ZRANB3: variants seen among roughly 807,000 people sequenced by gnomAD.
ZRANB3 encodes the protein zinc finger RANBP2-type containing 3.
A neutral mutation model predicts 133.8 loss-of-function variants in ZRANB3; 125 were observed. The observed-to-expected ratio is 0.93, with a 90% confidence interval of 0.81 to 1.08. The LOEUF is 1.08. Among genes scored for constraint, ZRANB3 ranks in the 50% least tolerant of loss-of-function variants. The pLI, the probability that ZRANB3 is intolerant of heterozygous loss-of-function variation, is 0.00. For synonymous variants in ZRANB3, 387 were observed against 432.7 expected (o/e 0.89, Z 1.31); for missense variants, 1,229 against 1,275.5 (o/e 0.96, Z 0.56).
chr2:135,507,441 CA>C lies in ZRANB3; in HGVS notation c.-7-2946del, dbSNP rs533547425. On this transcript the variant is annotated intron_variant, in intron 1 of 20. Transcript: ENST00000264159. Reference sequence around the variant, plus strand: ...TATACTATTGTGGACTTTAGAAAGTCAAAACTCAAAGGAGCAGAGATTAAGT... The same window carrying C: ...TATACTATTGTGGACTTTAGAAAGTCAAACTCAAAGGAGCAGAGATTAAGT... 8.1e-4 allele frequency among the ~76,000 whole-genome samples: 124 copies of C among 152,192 alleles called. 1 individual carries two copies. The highest frequency in any genetic ancestry group is 2.6e-3 in the African/African-American group (110 of 41,528).
chr2:135,380,000 G>A (rs1686615006), intron 3 of ZRANB3, among the ~76,000 whole-genome samples: 1 of 151,992 alleles, frequency 6.6e-6, no homozygotes, highest in African/African-American at 2.4e-5. Flanking sequence ...AAAAAAAGCA[G>A]GGGTTGCAAT....
chr2:135,240,214 C>A (rs187280576), intron 12 of ZRANB3, among the ~76,000 whole-genome samples: 2 of 152,068 alleles, frequency 1.3e-5, no homozygotes, highest in Non-Finnish European at 2.9e-5. Context: ...TGGTGGCGTG[C>A]GCCTGTAGTC....
At chr2:135,294,580 T>C (rs1286544356) in intron 8 of ZRANB3, among the ~76,000 whole-genome samples, 1 of 152,202 alleles carries the variant, frequency 6.6e-6, no homozygotes, top group African/African-American at 2.4e-5. Context: ...GAAGGGTTTT[T>C]TGTGTCTCTA....
chr2:135,493,159 A>G (rs1692486815), intron 2 of ZRANB3, among the ~76,000 whole-genome samples: 1 of 85,756 alleles, frequency 1.2e-5, no homozygotes, highest in Non-Finnish European at 2.3e-5. Flanking sequence ...ATATATATAT[A>G]TATATATATA....
intron 19 of ZRANB3, among the ~76,000 whole-genome samples, chr2:135,203,403 A>G (rs1693706979): frequency 6.6e-6 from 1 of 152,032 alleles, no homozygotes; most frequent in African/African-American, 2.4e-5. Context: ...GCGGATCACT[A>G]GGTCAGGAGA....
chr2:135,294,125 G>C (rs922688040), intron 8 of ZRANB3, among the ~76,000 whole-genome samples: 1 of 152,162 alleles, frequency 6.6e-6, no homozygotes, highest in African/African-American at 2.4e-5. Flanking sequence ...GAGTTAGGGA[G>C]GATTCCCTCT....
At chr2:135,234,937 T>C (rs1317111326) in intron 12 of ZRANB3, among the ~76,000 whole-genome samples, 1 of 151,810 alleles carries the variant, frequency 6.6e-6, no homozygotes, top group Non-Finnish European at 1.5e-5. Flanking sequence ...ATAACTAAGA[T>C]CAGAGTAGAA....
chr2:135,230,496 A>T lies in ZRANB3; in HGVS notation c.1954+17T>A. On this transcript the variant is annotated intron_variant, in intron 13 of 20. Coordinates refer to ENST00000264159, the MANE Select transcript of ZRANB3 (RefSeq NM_032143.4). ...ACTAACAGCCCTTACCTCCATGGTC[A>T]CCTTCTATATACTCACCAGCACTGC... 1 of 1,474,230 alleles carries T rather than the reference A, an allele frequency of 6.8e-7. No homozygotes were observed. Among genetic ancestry groups the T allele is most frequent in the Non-Finnish European group, 9.0e-7 (1 of 1,114,908 alleles). The allele number at this position is 1,474,230 out of a possible 1,614,324, so 91.3% of individuals were successfully genotyped here.
At chr2:135,239,450 A>G (rs1466148324) in intron 12 of ZRANB3, among the ~76,000 whole-genome samples, 2 of 151,776 alleles carry the variant, frequency 1.3e-5, no homozygotes, top group Non-Finnish European at 2.9e-5. Context: ...ATAAGGAAGG[A>G]AAATTTAGGC....
At chr2:135,473,585 T>C (rs1225478977) in intron 2 of ZRANB3, among the ~76,000 whole-genome samples, 1 of 151,828 alleles carries the variant, frequency 6.6e-6, no homozygotes, top group Admixed American at 6.6e-5. Context: ...AATATGGAAA[T>C]ACACATTCGA....
chr2:135,519,774 T>G (rs1693847609), intron 1 of ZRANB3, among the ~76,000 whole-genome samples: 1 of 152,298 alleles, frequency 6.6e-6, no homozygotes, highest in East Asian at 1.9e-4. Context: ...TATTATTACA[T>G]GCAGTTCTGA....
chr2:135,257,126 T>C (rs894305287), intron 12 of ZRANB3, among the ~76,000 whole-genome samples: 2 of 152,178 alleles, frequency 1.3e-5, no homozygotes, highest in South Asian at 4.1e-4. Context: ...GGAATAACCA[T>C]AAGCATACTC....
At chr2:135,231,983 C>T (rs1456046395) in intron 12 of ZRANB3, among the ~76,000 whole-genome samples, 1 of 152,168 alleles carries the variant, frequency 6.6e-6, no homozygotes, top group Non-Finnish European at 1.5e-5. Context: ...TTAGCTGAAG[C>T]AGGGCGAGGC....
chr2:135,271,328 C>G (rs1418338215), intron 10 of ZRANB3: 1 of 471,484 alleles, frequency 2.1e-6, no homozygotes, highest in African/African-American at 2.0e-5. Flanking sequence ...AGGGACAAAA[C>G]AGAAGCACTC....
At chr2:135,272,006 C>A (rs1680541761) in intron 9 of ZRANB3, 119 bp from the exon 10 acceptor site, 1 of 1,098,266 alleles carries the variant, frequency 9.1e-7, no homozygotes, top group Non-Finnish European at 1.2e-6. Context: ...GTTAAGGTGA[C>A]AGATTGGTAA....
At chr2:135,348,703 T>G (rs1255460748) in intron 5 of ZRANB3, among the ~76,000 whole-genome samples, 1 of 152,166 alleles carries the variant, frequency 6.6e-6, no homozygotes, top group Non-Finnish European at 1.5e-5. Flanking sequence ...CAAGTGATTT[T>G]CCTGCCTCAG....
chr2:135,412,730 C>G (rs1006198427), intron 2 of ZRANB3, among the ~76,000 whole-genome samples: 1 of 151,784 alleles, frequency 6.6e-6, no homozygotes, highest in African/African-American at 2.4e-5. Context: ...TTTAAACCAT[C>G]TAGTAAGATG....
chr2:135,326,898 C>CAAAAAAAAAAAAAAA (rs56683794), intron 6 of ZRANB3, among the ~76,000 whole-genome samples: 1 of 61,464 alleles, frequency 1.6e-5, no homozygotes. Context: ...GACTCCATCT[C>CAAAAAAAAAAAAAAA]AAAAAAAAAA....
At chr2:135,329,549 T>C (rs1274205208) in intron 6 of ZRANB3, among the ~76,000 whole-genome samples, 1 of 152,244 alleles carries the variant, frequency 6.6e-6, no homozygotes, top group Non-Finnish European at 1.5e-5. Flanking sequence ...CAGACTCTTT[T>C]TTGGTTCCAT....
Sources: gnomAD v4.1 joint callset for allele counts (sites outside exome capture counted in the v4.1 genomes callset) on GRCh38, gnomAD v4.1.1 for gene constraint, MANE v1.5 for transcripts, NCBI Gene and HGNC (gene_info 2026-07-23, HGNC 2026-07-21) for gene names.